LSAMP: variants seen among roughly 807,000 people sequenced by gnomAD.
The protein encoded by LSAMP is limbic system-associated membrane protein.
Under a neutral mutation model 38.6 loss-of-function variants are expected in LSAMP, and 7 were observed. The ratio of observed to expected loss-of-function variants is 0.18; its 90% CI spans 0.10 to 0.34. The LOEUF is 0.34. Ranked by LOEUF, LSAMP falls within the 10% of genes least tolerant of loss-of-function variation. The pLI, the probability that LSAMP is intolerant of heterozygous loss-of-function variation, is 1.00. For missense variants in LSAMP, 313 were observed against 420.0 expected (o/e 0.75, Z 2.23); for synonymous variants, 154 against 166.8 (o/e 0.92, Z 0.59).
At chr3:116,403,110 G>A (rs921810764) in intron 1 of LSAMP, among the ~76,000 whole-genome samples, 2 of 152,176 alleles carry the variant, frequency 1.3e-5, no homozygotes, top group South Asian at 2.1e-4. Context: ...TTCCGAACTT[G>A]TAGTCATAAA....
chr3:115,960,918 A>G (rs1345646207), intron 3 of LSAMP, among the ~76,000 whole-genome samples: 1 of 152,210 alleles, frequency 6.6e-6, no homozygotes, highest in Non-Finnish European at 1.5e-5. Context: ...ATTAGCTGTC[A>G]GTTCACAGCA....
At chr3:115,947,573 T>A (rs1394010292) in intron 3 of LSAMP, among the ~76,000 whole-genome samples, 1 of 152,206 alleles carries the variant, frequency 6.6e-6, no homozygotes, top group Non-Finnish European at 1.5e-5. Flanking sequence ...ATGTTTTATT[T>A]CTTGACATGG....
chr3:116,099,521 C>T (rs1443378358), intron 1 of LSAMP, among the ~76,000 whole-genome samples: 2 of 152,178 alleles, frequency 1.3e-5, no homozygotes, highest in Non-Finnish European at 2.9e-5. Context: ...AGGAAACTGA[C>T]CTGACTACCA....
chr3:116,383,634 G>C (rs2048590312), intron 1 of LSAMP, among the ~76,000 whole-genome samples: 1 of 151,964 alleles, frequency 6.6e-6, no homozygotes, highest in Non-Finnish European at 1.5e-5. Context: ...CATGGAGCTT[G>C]AAAAACAAGA....
At chr3:115,874,948 C>G (rs1218737514) in intron 3 of LSAMP, among the ~76,000 whole-genome samples, 1 of 151,792 alleles carries the variant, frequency 6.6e-6, no homozygotes, top group East Asian at 1.9e-4. Flanking sequence ...TCAAATTAAA[C>G]AGACACATTT....
At chr3:116,081,823 C>T (rs991603878) in intron 2 of LSAMP, among the ~76,000 whole-genome samples, 2 of 152,056 alleles carry the variant, frequency 1.3e-5, no homozygotes, top group Non-Finnish European at 2.9e-5. Flanking sequence ...TTTAGAAATA[C>T]ATTTTAAAAC....
chr3:116,223,503 GTAAGAA>G (rs1201607732), intron 1 of LSAMP, among the ~76,000 whole-genome samples: 1 of 152,116 alleles, frequency 6.6e-6, no homozygotes, highest in Non-Finnish European at 1.5e-5. Context: ...TTTAAAATAT[GTAAGAA>G]TAAGAAAACT....
chr3:116,441,635 A>C (rs1170770569), intron 1 of LSAMP, among the ~76,000 whole-genome samples: 1 of 152,204 alleles, frequency 6.6e-6, no homozygotes, highest in Non-Finnish European at 1.5e-5. Context: ...TATGGGTATG[A>C]GGGTAGGAGG....
intron 1 of LSAMP, among the ~76,000 whole-genome samples, chr3:116,284,780 CCTT>C (rs2047172271): frequency 2.0e-5 from 3 of 152,184 alleles, no homozygotes; most frequent in Admixed American, 2.0e-4. Context: ...ACTTCAGAAT[CCTT>C]CTAAAATGAC....
At chr3:115,864,667 T>TG (rs1935807304) in intron 3 of LSAMP, among the ~76,000 whole-genome samples, 1 of 152,152 alleles carries the variant, frequency 6.6e-6, no homozygotes, top group South Asian at 2.1e-4. Flanking sequence ...TCCTTTCTCG[T>TG]GGGGAACTTC....
At chr3:116,136,258 T>C (rs1030915924) in intron 1 of LSAMP, among the ~76,000 whole-genome samples, 7 of 152,156 alleles carry the variant, frequency 4.6e-5, no homozygotes, top group African/African-American at 7.2e-5. Flanking sequence ...GTCAGACCGA[T>C]AGCTACTTTC....
intron 1 of LSAMP, among the ~76,000 whole-genome samples, chr3:116,207,339 G>A (rs1173778220): frequency 6.6e-6 from 1 of 152,074 alleles, no homozygotes; most frequent in African/African-American, 2.4e-5. Flanking sequence ...GCACACTGAT[G>A]GGTCTTGACT....
chr3:116,303,798 G>A (rs2047446665), intron 1 of LSAMP, among the ~76,000 whole-genome samples: 2 of 152,180 alleles, frequency 1.3e-5, no homozygotes, highest in African/African-American at 4.8e-5. Context: ...TGGATGCGCA[G>A]AACAATCATC....
chr3:116,427,488 A>G (rs2049218506), intron 1 of LSAMP, among the ~76,000 whole-genome samples: 1 of 152,208 alleles, frequency 6.6e-6, no homozygotes, highest in South Asian at 2.1e-4. Context: ...TTGAATAGCC[A>G]TCAGAGCTAC....
intron 1 of LSAMP, among the ~76,000 whole-genome samples, chr3:116,158,798 A>C (rs922646890): frequency 1.3e-5 from 2 of 152,116 alleles, no homozygotes; most frequent in Non-Finnish European, 2.9e-5. Flanking sequence ...AGATTCAGAG[A>C]TATTCCTATC....
intron 1 of LSAMP, among the ~76,000 whole-genome samples, chr3:116,235,333 C>A (rs144687662): frequency 1.3e-5 from 2 of 152,020 alleles, no homozygotes; most frequent in Non-Finnish European, 2.9e-5. Context: ...ATAGACTGGT[C>A]TTGAACTGCT....
At chr3:116,037,871 T>C (rs1941082018) in intron 2 of LSAMP, among the ~76,000 whole-genome samples, 1 of 152,148 alleles carries the variant, frequency 6.6e-6, no homozygotes, top group Admixed American at 6.5e-5. Flanking sequence ...TTCAGTGGTA[T>C]AAGCTTATTC....
intron 1 of LSAMP, among the ~76,000 whole-genome samples, chr3:116,444,076 G>T (rs1255006598): frequency 6.6e-6 from 1 of 152,080 alleles, no homozygotes; most frequent in African/African-American, 2.4e-5. Context: ...CAGAAAAAAA[G>T]ACTTTGAAGT....
intron 1 of LSAMP, among the ~76,000 whole-genome samples, chr3:116,117,192 T>G (rs527284514): frequency 6.6e-5 from 10 of 152,356 alleles, no homozygotes; most frequent in Middle Eastern, 3.4e-3. Context: ...TATAATTATT[T>G]TTAAAATGAT....
Sources: gnomAD v4.1 joint callset for allele counts (sites outside exome capture counted in the v4.1 genomes callset) on GRCh38, gnomAD v4.1.1 for gene constraint, MANE v1.5 for transcripts, NCBI Gene and HGNC (gene_info 2026-07-23, HGNC 2026-07-21) for gene names.